Variants in ZNF438 observed in about 807,000 individuals in gnomAD.
ZNF438 encodes zinc finger protein 438.
Under a neutral mutation model 38.0 loss-of-function variants are expected in ZNF438, and 25 were observed. The ratio of observed to expected loss-of-function variants is 0.66; its 90% CI spans 0.48 to 0.92. The LOEUF (loss-of-function observed/expected upper bound fraction) is 0.92, where lower values mean the gene tolerates loss of function less well. ZNF438 is among the 40% of genes least tolerant of loss of function. The probability of loss-of-function intolerance (pLI) is 0.00; values close to 1 mark genes in which losing one functional copy is unlikely to be tolerated. For synonymous variants in ZNF438, 372 were observed against 364.1 expected (o/e 1.02, Z -0.25); for missense variants, 1,007 against 999.6 (o/e 1.01, Z -0.10).
chr10:30,862,244 A>C (rs2035702528), intron 4 of ZNF438, among the ~76,000 whole-genome samples: 1 of 152,224 alleles, frequency 6.6e-6, no homozygotes, highest in Non-Finnish European at 1.5e-5. Flanking sequence ...TGAGCTGCAC[A>C]GATATGGCAT....
exon 6 of ZNF438, chr10:30,844,900 C>A (rs756456012): frequency 4.5e-6 from 7 of 1,557,600 alleles, no homozygotes; most frequent in Non-Finnish European, 6.1e-6. Context: ...CCATAAAGCA[C>A]GAAGCTCTGA....
exon 5 of ZNF438, chr10:30,849,119 G>A (rs1564475737): frequency 6.2e-7 from 1 of 1,613,720 alleles, no homozygotes; most frequent in Non-Finnish European, 8.5e-7. Context: ...TTTTTTCAGG[G>A]TCCCCAGCTT....
intron 1 of ZNF438, among the ~76,000 whole-genome samples, chr10:31,029,304 G>T (rs2057132954): frequency 7.6e-6 from 1 of 131,108 alleles, no homozygotes; most frequent in Admixed American, 7.9e-5. Flanking sequence ...ACCCTGCCTG[G>T]GACTCAGTTT....
chr10:30,989,437 C>A (rs186800156), intron 1 of ZNF438, among the ~76,000 whole-genome samples: 1 of 152,322 alleles, frequency 6.6e-6, no homozygotes, highest in African/African-American at 2.4e-5. Flanking sequence ...ATCCCAGATT[C>A]TATGGCCACA....
At chr10:31,022,269 TTCTTTTTTTTGAGACGGAGTCTCAC>T (rs1333739040) in intron 1 of ZNF438, among the ~76,000 whole-genome samples, 5 of 151,630 alleles carry the variant, frequency 3.3e-5, no homozygotes, top group Non-Finnish European at 2.9e-5. Context: ...CCTTTTTTTT[TTCTTTTTTTTGAGACGGAGTCTCAC>T]TCTGTCACCC....
chr10:31,023,976 A>C (rs577617553), intron 1 of ZNF438, among the ~76,000 whole-genome samples: 1 of 152,346 alleles, frequency 6.6e-6, no homozygotes, highest in African/African-American at 2.4e-5. Flanking sequence ...CCTACCCAGC[A>C]AGTATGGTTT....
At chr10:30,985,131 T>C (rs2052627663) in intron 1 of ZNF438, among the ~76,000 whole-genome samples, 1 of 152,178 alleles carries the variant, frequency 6.6e-6, no homozygotes, top group Non-Finnish European at 1.5e-5. Context: ...CTAAATGTAC[T>C]GTAACTGATA....
chr10:30,872,979 T>C (rs928095162), intron 4 of ZNF438, among the ~76,000 whole-genome samples: 2 of 152,200 alleles, frequency 1.3e-5, no homozygotes, highest in Non-Finnish European at 1.5e-5. Flanking sequence ...AGAGAATCAT[T>C]TGGTGATACT....
intron 4 of ZNF438, among the ~76,000 whole-genome samples, chr10:30,867,440 C>G (rs2036637120): frequency 6.6e-6 from 1 of 152,120 alleles, no homozygotes; most frequent in Non-Finnish European, 1.5e-5. Context: ...ATGTAATGAG[C>G]TGTTATTTCA....
intron 1 of ZNF438, among the ~76,000 whole-genome samples, chr10:30,990,485 C>T (rs2053368250): frequency 6.6e-6 from 1 of 152,188 alleles, no homozygotes; most frequent in African/African-American, 2.4e-5. Context: ...GGTCCAACCT[C>T]CAATCTCCTG....
intron 2 of ZNF438, among the ~76,000 whole-genome samples, chr10:30,931,976 T>C (rs1224300793): frequency 6.6e-6 from 1 of 152,198 alleles, no homozygotes; most frequent in East Asian, 1.9e-4. Flanking sequence ...TAGAGGGTAA[T>C]AACGTGCTCC....
intron 1 of ZNF438, among the ~76,000 whole-genome samples, chr10:31,020,334 AAG>A (rs1251911092): frequency 6.6e-6 from 1 of 152,212 alleles, no homozygotes; most frequent in Middle Eastern, 3.2e-3. Flanking sequence ...CAGAAAACAA[AAG>A]AGAGTCTCAA....
At chr10:30,907,679 T>C (rs757119480) in intron 3 of ZNF438, among the ~76,000 whole-genome samples, 7 of 152,092 alleles carry the variant, frequency 4.6e-5, no homozygotes, top group Non-Finnish European at 8.8e-5. Flanking sequence ...TTCTGTAGAG[T>C]CAGTAGTGAT....
At chr10:30,949,721 A>C (rs1437919904) in intron 1 of ZNF438, among the ~76,000 whole-genome samples, 1 of 152,036 alleles carries the variant, frequency 6.6e-6, no homozygotes, top group Non-Finnish European at 1.5e-5. Flanking sequence ...TATGCACCCA[A>C]TACAGGAGCA....
chr10:30,942,644 G>A (rs1564693868), intron 1 of ZNF438, among the ~76,000 whole-genome samples: 3 of 151,406 alleles, frequency 2.0e-5, no homozygotes, highest in Non-Finnish European at 4.4e-5. Context: ...TTGTTTACAT[G>A]AACCATGAAC....
chr10:30,961,100 A>G (rs2049409873), intron 1 of ZNF438, among the ~76,000 whole-genome samples: 1 of 144,894 alleles, frequency 6.9e-6, no homozygotes, highest in South Asian at 2.2e-4. Flanking sequence ...AACAAAAGAT[A>G]TTAATCTTAT....
chr10:30,886,223 T>C (rs561275645), intron 3 of ZNF438, among the ~76,000 whole-genome samples: 4 of 152,292 alleles, frequency 2.6e-5, no homozygotes, highest in South Asian at 4.1e-4. Context: ...TAACTGAAAA[T>C]GCCACCTTTT....
At chr10:30,955,574 C>T (rs1349498985) in intron 1 of ZNF438, among the ~76,000 whole-genome samples, 4 of 152,200 alleles carry the variant, frequency 2.6e-5, no homozygotes, top group African/African-American at 9.7e-5. Context: ...TAGCCTTCCA[C>T]CTCTGCCCAG....
chr10:30,997,285 G>A (rs553054897), intron 1 of ZNF438, among the ~76,000 whole-genome samples: 3 of 152,264 alleles, frequency 2.0e-5, no homozygotes, highest in Admixed American at 1.3e-4. Context: ...TATTGCTGTT[G>A]ATAGAAAGGA....
Sources: gnomAD v4.1 joint callset for allele counts (sites outside exome capture counted in the v4.1 genomes callset) on GRCh38, gnomAD v4.1.1 for gene constraint, MANE v1.5 for transcripts, NCBI Gene and HGNC (gene_info 2026-07-23, HGNC 2026-07-21) for gene names.